The following INSRR variants were observed in gnomAD, a reference collection of about 807,000 sequenced individuals.
INSRR encodes insulin receptor related receptor, also known as insulin receptor-related protein.
INSRR carries 114 observed loss-of-function variants against 130.0 expected under a neutral mutation model. That is an observed-to-expected ratio of 0.88 (90% CI 0.75 to 1.02). The LOEUF is 1.02. INSRR is among the 50% of genes least tolerant of loss of function. The probability of loss-of-function intolerance (pLI) is 0.00; values close to 1 mark genes in which losing one functional copy is unlikely to be tolerated. For missense variants in INSRR, 1,657 were observed against 1,735.2 expected (o/e 0.95, Z 0.80); for synonymous variants, 674 against 705.2 (o/e 0.96, Z 0.70).
intron 15 of INSRR, 94 bp downstream of exon 15, chr1:156,844,081 G>C (rs953173759): frequency 1.5e-5 from 13 of 885,210 alleles, no homozygotes; most frequent in Non-Finnish European, 2.4e-5. Flanking sequence ...TGGAAGACCT[G>C]TCTTTCTACT....
intron 10 of INSRR, 38 bp from the exon 11 acceptor site, chr1:156,845,451 G>A: frequency 6.5e-7 from 1 of 1,527,236 alleles, no homozygotes; most frequent in East Asian, 2.3e-5. Flanking sequence ...GGCCTGTCCG[G>A]ATGCACCCCT....
rs1350017052 is a variant in INSRR at position 156,854,233 on chromosome 1, C to T, written c.156G>A (p.Glu52=). The change falls in exon 2 of 22, where the codon GAG becomes GAA. Residue 52 remains glutamate (E), a synonymous_variant. Coordinates refer to ENST00000368195, the MANE Select transcript of INSRR (RefSeq NM_014215.3). This position sits in a 1 kb window ranked among gnomAD's most constrained non-coding sequence, Gnocchi z 4.2. ...LRQLENCSVV[E]GHLQILLMFT... is the part of the protein sequence containing the mutation. Reference sequence around the variant, plus strand: ...ACATGAGCAGGATCTGCAGGTGGCCCTCCACCACGCTGCAGTTCTCCAGCT... The same window carrying T: ...ACATGAGCAGGATCTGCAGGTGGCCTTCCACCACGCTGCAGTTCTCCAGCT... The T allele has an allele frequency of 1.9e-6, 3 of 1,613,910 alleles. No homozygotes were observed. Among genetic ancestry groups the T allele is most frequent in the Non-Finnish European group, 2.5e-6 (3 of 1,180,016 alleles).
rs777419942 is a variant in INSRR, at chr1:156,842,154, G to A, written c.3355C>T (p.Arg1119Cys). 14 of 1,613,922 alleles carry A rather than the reference G, an allele frequency of 8.7e-6. No individual in the cohort carries two copies. In the East Asian group the frequency reaches 1.1e-4, roughly 13 times the overall value. Reference sequence around the variant, plus strand: ...AAGTCCTGGGACACCATGCAGTTGCGGGCTGCTAGATCTCGGTGCACAAAC... The same window carrying A: ...AAGTCCTGGGACACCATGCAGTTGCAGGCTGCTAGATCTCGGTGCACAAAC... ...NKFVHRDLAARNCMVSQDFTV... is the reference protein window; with the variant it reads ...NKFVHRDLAACNCMVSQDFTV... The change falls in exon 19 of 22, where the codon CGC (arginine) becomes TGC (cysteine). Residue 1119 changes from arginine (R) to cysteine (C), a missense_variant. Arg to Cys is a radical substitution (Grantham distance 180, BLOSUM62 -3). Coordinates refer to ENST00000368195, the MANE Select transcript of INSRR (RefSeq NM_014215.3).
rs771531496 is a variant in INSRR at position 156,843,065 on chromosome 1, C to T, written c.3065G>A (p.Arg1022Gln). 17 of 1,614,160 alleles carry T rather than the reference C, an allele frequency of 1.1e-5. No individual in the cohort carries two copies. Among genetic ancestry groups the T allele is most frequent in the Admixed American group, 6.7e-5 (4 of 60,024 alleles). ...LKTVNELASP[R>Q]ECIEFLKEAS... The stretch of plus-strand genomic sequence containing the variant: ...TTCCTTGAGGAACTCAATGCATTCC[C>T]GTGGGCTGGCCAGCTCATTCACCGT... Residue 1022 changes from arginine (R) to glutamine (Q), a missense_variant, in exon 17 of 22, where the codon CGG (arginine) becomes CAG (glutamine). Transcript: ENST00000368195.
chr1:156,843,476 G>A lies in INSRR; in HGVS notation c.2847C>T (p.Asn949=). 6.2e-7 allele frequency: 1 copy of A among 1,614,234 alleles called. No individual in the cohort carries two copies. Among genetic ancestry groups the A allele is most frequent in the Non-Finnish European group, 8.5e-7 (1 of 1,180,026 alleles). ...GATTCACAGAAGCATACAGGGTTCT[G>A]TTTCTGCAACGGGAGGTGAGGGGGT... The part of the protein sequence containing the change: ...ALGFFYGKKR[N]RTLYASVNPE... Residue 949 remains asparagine, a synonymous_variant, in exon 16 of 22, where the codon AAC becomes AAT. Coordinates refer to ENST00000368195, the MANE Select transcript of INSRR (RefSeq NM_014215.3).
rs1654897088 is a variant in INSRR, at chr1:156,844,105, C to G, written c.2843+70G>C. Reference sequence around the variant, plus strand: ...TGTCTTTCTACTGTCTCATCTACCTCCCTTTGACAGACTTTATGATGAGGG... The same window carrying G: ...TGTCTTTCTACTGTCTCATCTACCTGCCTTTGACAGACTTTATGATGAGGG... On this transcript the variant is annotated intron_variant, in intron 15 of 21. Transcript: ENST00000368195. The G allele has an allele frequency of 3.5e-6, 4 of 1,133,886 alleles. No individual in the cohort carries two copies. The East Asian group carries it at 9.4e-5, about 27-fold the overall frequency. 70.2% of individuals were successfully genotyped at this position (1,133,886 alleles called of 1,614,324 possible).
rs1430171046 is a variant in INSRR at position 156,841,795 on chromosome 1, C to G, written c.3398-1G>C. On this transcript the variant is annotated splice_acceptor_variant, in intron 19 of 21. Transcript: ENST00000368195. LOFTEE classifies it high-confidence loss of function. Reference sequence around the variant, plus strand: ...TACACGTCCCGAGTCATCCCGAAGTCTGGAAAGTGAGGGTGAGGGTGGAGG... The same window carrying G: ...TACACGTCCCGAGTCATCCCGAAGTGTGGAAAGTGAGGGTGAGGGTGGAGG... 5 of 1,614,046 alleles carry G rather than the reference C, an allele frequency of 3.1e-6. No homozygotes were observed. The highest frequency in any genetic ancestry group is 4.2e-6 in the Non-Finnish European group (5 of 1,180,014).
At chr1:156,846,801 C>A in intron 7 of INSRR, 44 bp from the exon 8 acceptor site, 1 of 1,513,492 alleles carries the variant, frequency 6.6e-7, no homozygotes, top group African/African-American at 1.4e-5. Flanking sequence ...CAACCCCACC[C>A]TCAAGTTCTG....
In INSRR at chr1:156,845,985, C is replaced by G; in HGVS notation, c.1945G>C (p.Gly649Arg). 2 of 1,613,530 alleles carry G rather than the reference C, an allele frequency of 1.2e-6. No homozygotes were observed. The highest frequency in any genetic ancestry group is 1.7e-6 in the Non-Finnish European group (2 of 1,179,772). ...LVLWQRLAED[G>R]DLYLNDYCHR... is the part of the protein sequence containing the mutation. ...CAGTAGTCATTGAGGTAGAGGTCGC[C>G]GTCCTCTGCCAGCCGCTGCCACAGC... is the stretch of plus-strand genomic sequence containing the variant. Residue 649 changes from glycine (G) to arginine (R), a missense_variant, in exon 9 of 22, where the codon GGC becomes CGC. Coordinates refer to ENST00000368195, the MANE Select transcript of INSRR (RefSeq NM_014215.3).
At position 156,858,528 on chromosome 1, in the gene INSRR, G is replaced by A; in HGVS notation, c.85+9C>T. On this transcript the variant is annotated intron_variant, in intron 1 of 21. Coordinates refer to ENST00000368195, the MANE Select transcript of INSRR (RefSeq NM_014215.3). Reference sequence around the variant, plus strand: ...GGTAGGGGTCTGGGAGCCAGTTCTGGGGACTCACCCTCTACTGTATCCAGG... The same window carrying A: ...GGTAGGGGTCTGGGAGCCAGTTCTGAGGACTCACCCTCTACTGTATCCAGG... 6.2e-7 allele frequency: 1 copy of A among 1,612,104 alleles called. No individual in the cohort carries two copies. Among genetic ancestry groups the A allele is most frequent in the Non-Finnish European group, 8.5e-7 (1 of 1,178,348 alleles).
At chr1:156,857,511 G>A (rs1479025192) in intron 1 of INSRR, among the ~76,000 whole-genome samples, 1 of 152,166 alleles carries the variant, frequency 6.6e-6, no homozygotes, top group Non-Finnish European at 1.5e-5. Flanking sequence ...GCCCCTCCAA[G>A]GATGTGCTCC....
In INSRR at chr1:156,852,052, C is replaced by T. The variant is rs1655234035; in HGVS notation, c.777G>A (p.Leu259=). The T allele has an allele frequency of 6.2e-7, 1 of 1,613,584 alleles. No individual in the cohort carries two copies. Among genetic ancestry groups the T allele is most frequent in the Non-Finnish European group, 8.5e-7 (1 of 1,179,956 alleles). The change falls in exon 3 of 22, where the codon CTG becomes CTA. Residue 259 remains leucine, a synonymous_variant. Coordinates refer to ENST00000368195, the MANE Select transcript of INSRR (RefSeq NM_014215.3). ...GGTAGGTGCCTGGCGGGCAGGCCCA[C>T]AGGCAGGCACCCTGGAAGTAGAGGT... ...CRHLYFQGAC[L]WACPPGTYQY... is the part of the protein sequence containing the mutation.
intron 17 of INSRR, among the ~76,000 whole-genome samples, chr1:156,842,710 C>T (rs1185890093): frequency 6.6e-6 from 1 of 152,164 alleles, no homozygotes; most frequent in East Asian, 1.9e-4. Flanking sequence ...ATCACAGTCA[C>T]GAACTTGGTC....
chr1:156,856,294 G>GATGA (rs1431432218), intron 1 of INSRR, among the ~76,000 whole-genome samples: 1 of 152,158 alleles, frequency 6.6e-6, no homozygotes, highest in African/African-American at 2.4e-5. Flanking sequence ...ATAAATATTT[G>GATGA]ATGAATGAAT....
chr1:156,858,575 A>G lies in INSRR; in HGVS notation c.47T>C (p.Ile16Thr), dbSNP rs764071208. The G allele has an allele frequency of 6.2e-7, 1 of 1,614,088 alleles. No homozygotes were observed. The highest frequency in any genetic ancestry group is 1.7e-5 in the Admixed American group (1 of 60,030). ...LWPWGACLPV[I>T]FLSLGFGLDT... is the part of the protein sequence containing the mutation. ...CAGGCCAAATCCCAAGGAGAGGAAGATCACAGGCAGGCATGCTCCCCAGGG... is the reference window on the plus strand; with the variant it reads ...CAGGCCAAATCCCAAGGAGAGGAAGGTCACAGGCAGGCATGCTCCCCAGGG... Residue 16 changes from isoleucine to threonine, a missense_variant, in exon 1 of 22, where the codon ATC (isoleucine) becomes ACC (threonine). Physicochemically the swap from Ile to Thr is moderately conservative, Grantham distance 89. Coordinates refer to ENST00000368195, the MANE Select transcript of INSRR (RefSeq NM_014215.3).
chr1:156,851,380 C>A lies in INSRR; in HGVS notation c.1139G>T (p.Gly380Val). ...AAAGGAGTGCTTGATTTTGAGGAAG[C>A]CAGTAATGGTTTCTACCAGCCCCAG... The part of the protein sequence containing the change: ...HSLGLVETIT[G>V]FLKIKHSFAL... Residue 380 changes from glycine (G) to valine (V), a missense_variant, in exon 5 of 22, where the codon GGC becomes GTC. Transcript: ENST00000368195. 6.2e-7 allele frequency: 1 copy of A among 1,614,092 alleles called. No individual in the cohort carries two copies. The highest frequency in any genetic ancestry group is 1.1e-5 in the South Asian group (1 of 91,072).
chr1:156,853,408 G>A (rs1655296370), intron 2 of INSRR, among the ~76,000 whole-genome samples: 1 of 152,190 alleles, frequency 6.6e-6, no homozygotes, highest in African/African-American at 2.4e-5. Context: ...GTAGAGCTGA[G>A]ACTTGAACCC....
At chr1:156,841,243 G>A in intron 21 of INSRR, 139 bp from the exon 22 acceptor site, 1 of 963,812 alleles carries the variant, frequency 1.0e-6, no homozygotes, top group African/African-American at 1.6e-5. Context: ...TTAAATGGGA[G>A]TCTTGGGGGT....
At position 156,854,320 on chromosome 1, in the gene INSRR, C is replaced by A; in HGVS notation, c.86-17G>T. 1 of 1,593,382 alleles carries A rather than the reference C, an allele frequency of 6.3e-7. No individual in the cohort carries two copies. Among genetic ancestry groups the A allele is most frequent in the Non-Finnish European group, 8.5e-7 (1 of 1,170,742 alleles). ...TGGGGCACACTGTGGGCATACACGG[C>A]ACGCAGCATTGAGTACAGCCCAGGC... On this transcript the variant is annotated splice_polypyrimidine_tract_variant and intron_variant, in intron 1 of 21. Coordinates refer to ENST00000368195, the MANE Select transcript of INSRR (RefSeq NM_014215.3). This position sits in a 1 kb window ranked among gnomAD's most constrained non-coding sequence, Gnocchi z 4.2.
Sources: allele counts gnomAD v4.1 joint callset (sites outside exome capture counted in the v4.1 genomes callset), GRCh38; gene constraint gnomAD v4.1.1; non-coding constraint Gnocchi (gnomAD v3.1); transcripts MANE v1.5; gene names NCBI Gene and HGNC (gene_info 2026-07-23, HGNC 2026-07-21).